The following FAM234B variants were observed in gnomAD, a reference collection of about 807,000 sequenced individuals.
FAM234B encodes family with sequence similarity 234 member B, also known as protein FAM234B.
A neutral mutation model predicts 69.3 loss-of-function variants in FAM234B; 33 were observed. That is an observed-to-expected ratio of 0.48 (90% CI 0.36 to 0.64). FAM234B has a LOEUF of 0.64. Among genes scored for constraint, FAM234B ranks in the 30% least tolerant of loss-of-function variants. FAM234B has a pLI of 0.00. For synonymous variants in FAM234B, 306 were observed against 306.9 expected (o/e 1.00, Z 0.03); for missense variants, 697 against 769.7 (o/e 0.91, Z 1.12).
intron 5 of FAM234B, among the ~76,000 whole-genome samples, chr12:13,065,054 A>C (rs1304266138): frequency 6.6e-6 from 1 of 152,188 alleles, no homozygotes; most frequent in Non-Finnish European, 1.5e-5. Flanking sequence ...CTCTTGGTGC[A>C]CTCAGGCTGA....
chr12:13,077,279 T>C (rs1334163414), intron 11 of FAM234B, among the ~76,000 whole-genome samples: 1 of 152,074 alleles, frequency 6.6e-6, no homozygotes, highest in Non-Finnish European at 1.5e-5. Context: ...TAAATTTTAT[T>C]ATTATTATAC....
intron 10 of FAM234B, among the ~76,000 whole-genome samples, chr12:13,071,817 A>G (rs775674586): frequency 6.6e-6 from 1 of 152,006 alleles, no homozygotes; most frequent in Non-Finnish European, 1.5e-5. Context: ...AGGAACGGGG[A>G]TGGGGGAGGG....
At position 13,072,450 on chromosome 12, in the gene FAM234B, G is replaced by A. The variant is rs572298710; in HGVS notation, c.1524+1054G>A. The stretch of plus-strand genomic sequence containing the variant: ...TTAAAATATAAAAATAAAAAATATC[G>A]GCTGGGCGCAGTGGCTCATGCCTGT... On this transcript the variant is annotated intron_variant, in intron 10 of 12. Coordinates refer to ENST00000197268, the MANE Select transcript of FAM234B (RefSeq NM_020853.2). Among the ~76,000 whole-genome samples, 32 of 152,088 alleles carry A rather than the reference G, an allele frequency of 2.1e-4. No individual in the cohort carries two copies. The South Asian group carries it at 6.4e-3, about 31-fold the overall frequency.
chr12:13,067,383 A>G lies in FAM234B; in HGVS notation c.1142+87A>G. 7.1e-7 allele frequency: 1 copy of G among 1,406,764 alleles called. No individual in the cohort carries two copies. The highest frequency in any genetic ancestry group is 1.2e-5 in the South Asian group (1 of 83,724). 87.1% of individuals were successfully genotyped at this position (1,406,764 alleles called of 1,614,324 possible). On this transcript the variant is annotated intron_variant, in intron 7 of 12. Transcript: ENST00000197268. This position sits in a 1 kb window ranked among gnomAD's most constrained non-coding sequence, Gnocchi z 4.7. ...TCTCTAAGTTTGGTTGGGCTGGTGA[A>G]TATGTGGGTAGAGGTTTAGGGGAAA...
chr12:13,045,361 A>G (rs1864796279), intron 1 of FAM234B, among the ~76,000 whole-genome samples: 1 of 152,210 alleles, frequency 6.6e-6, no homozygotes, highest in African/African-American at 2.4e-5. Context: ...TACCTAGGTA[A>G]GTTTTAAGCA....
Position 13,082,964 on chromosome 12 carries a change from A to G in FAM234B, c.*2334A>G, listed in dbSNP as rs1865255614. 1 of 152,228 alleles carries G rather than the reference A, an allele frequency of 6.6e-6. No homozygotes were observed. Among genetic ancestry groups the G allele is most frequent in the Non-Finnish European group, 1.5e-5 (1 of 68,034 alleles). The allele number at this position is 152,228 out of a possible 1,614,324, so 9.4% of individuals were successfully genotyped here. On this transcript the variant is annotated 3_prime_UTR_variant, in exon 13 of 13. Coordinates refer to ENST00000197268, the MANE Select transcript of FAM234B (RefSeq NM_020853.2). ...GGTAAGTTTGAATCTCTCCTTGCCA[A>G]ACAACATTATAAGTTTAGTTTTCTT...
At chr12:13,080,448 T>C (rs1865212275) in intron 12 of FAM234B, among the ~76,000 whole-genome samples, 177 bp from the exon 13 acceptor site, 1 of 152,186 alleles carries the variant, frequency 6.6e-6, no homozygotes, top group African/African-American at 2.4e-5. Context: ...CAAAAGCTTA[T>C]CATGGAAAAT....
Position 13,075,912 on chromosome 12 carries a change from G to A in FAM234B, c.1525-114G>A, listed in dbSNP as rs1865153933. ...TTCTTGTAGTTAGGATCAGGCATTA[G>A]CATCTGAGAGGAATGAGTAATCACC... On this transcript the variant is annotated intron_variant, in intron 10 of 12. Coordinates refer to ENST00000197268, the MANE Select transcript of FAM234B (RefSeq NM_020853.2). 7.6e-6 allele frequency: 6 copies of A among 787,904 alleles called. No individual in the cohort carries two copies. In the South Asian group the frequency reaches 8.4e-5, roughly 11 times the overall value. 48.8% of individuals were successfully genotyped at this position (787,904 alleles called of 1,614,324 possible).
intron 10 of FAM234B, among the ~76,000 whole-genome samples, chr12:13,075,511 C>T (rs1017486510): frequency 6.6e-6 from 1 of 150,596 alleles, no homozygotes; most frequent in Non-Finnish European, 1.5e-5. Flanking sequence ...GATCTTGGCT[C>T]ACTGCAACCT....
intron 1 of FAM234B, among the ~76,000 whole-genome samples, chr12:13,049,620 G>A (rs1030685536): frequency 2.0e-5 from 3 of 152,186 alleles, no homozygotes; most frequent in Non-Finnish European, 4.4e-5. Flanking sequence ...AGCAATATCT[G>A]TTCCTTTAGC....
chr12:13,048,769 C>T (rs1026772543), intron 1 of FAM234B, among the ~76,000 whole-genome samples: 10 of 152,124 alleles, frequency 6.6e-5, no homozygotes, highest in African/African-American at 9.7e-5. Flanking sequence ...ATACTTGAGA[C>T]GAGGCAATTT....
chr12:13,045,026 G>A (rs55814696), intron 1 of FAM234B, among the ~76,000 whole-genome samples: 1 of 151,978 alleles, frequency 6.6e-6, no homozygotes, highest in African/African-American at 2.4e-5. Context: ...GAACGTCAGG[G>A]GTCTTTTCAC....
intron 10 of FAM234B, 47 bp downstream of exon 10, chr12:13,071,443 C>G: frequency 6.4e-7 from 1 of 1,557,318 alleles, no homozygotes; most frequent in South Asian, 1.1e-5. Context: ...CAGATGGCAG[C>G]TGCTGTGCAG....
rs1023893235 is a variant in FAM234B, at chr12:13,082,452, G to A, written c.*1822G>A. 6 of 152,310 alleles carry A rather than the reference G, an allele frequency of 3.9e-5. No homozygotes were observed. Among genetic ancestry groups the A allele is most frequent in the Admixed American group, 3.9e-4 (6 of 15,306 alleles). 9.4% of individuals were successfully genotyped at this position (152,310 alleles called of 1,614,324 possible). Reference sequence around the variant, plus strand: ...CCTTATCAGGTTTCTGGGTGCCTCTGCCTTAAGATCCTGAAGGCAAATTTT... The same window carrying A: ...CCTTATCAGGTTTCTGGGTGCCTCTACCTTAAGATCCTGAAGGCAAATTTT... On this transcript the variant is annotated 3_prime_UTR_variant, in exon 13 of 13. Transcript: ENST00000197268.
chr12:13,066,667 G>A lies in FAM234B; in HGVS notation c.880G>A (p.Gly294Ser), dbSNP rs1290448602. ...QPDLCFLLVS[G>S]RTGNPVGRPV... ...AGATCTGTGCTTTCTGCTGGTGTCT[G>A]GCCGGACCGGAAATCCAGTGGGTCG... Residue 294 changes from glycine (G) to serine (S), a missense_variant, in exon 6 of 13, where the codon GGC becomes AGC. Physicochemically the swap from Gly to Ser is moderately conservative, Grantham distance 56. Transcript: ENST00000197268. 1.2e-6 allele frequency: 2 copies of A among 1,613,744 alleles called. No homozygotes were observed. Among genetic ancestry groups the A allele is most frequent in the South Asian group, 2.2e-5 (2 of 91,026 alleles).
Position 13,062,980 on chromosome 12 carries a change from G to A in FAM234B, c.852+5G>A. ...CTGGCCATTGGGGAATTGCAGGTAT[G>A]ATCTCTATTAAATGTTTTTTGTTTC... On this transcript the variant is annotated splice_donor_5th_base_variant and intron_variant, in intron 5 of 12. Transcript: ENST00000197268. 1 of 1,613,690 alleles carries A rather than the reference G, an allele frequency of 6.2e-7. No individual in the cohort carries two copies. The highest frequency in any genetic ancestry group is 8.5e-7 in the Non-Finnish European group (1 of 1,179,742).
At chr12:13,048,506 CTG>C (rs1440965152) in intron 1 of FAM234B, among the ~76,000 whole-genome samples, 1 of 90,030 alleles carries the variant, frequency 1.1e-5, no homozygotes, top group Non-Finnish European at 2.0e-5. Context: ...TGGTTCTTTT[CTG>C]TTTTCTGTTA....
rs890909420 is a variant in FAM234B at position 13,080,608 on chromosome 12, T to C, written c.1864-17T>C. On this transcript the variant is annotated splice_polypyrimidine_tract_variant and intron_variant, in intron 12 of 12. Transcript: ENST00000197268. ...ACCATGAAAAACAATAAAGTCACGA[T>C]AACTCTTTTTCCATAGATCTAATCT... is the stretch of plus-strand genomic sequence containing the variant. The C allele has an allele frequency of 2.5e-6, 4 of 1,601,122 alleles. No homozygotes were observed. The African/African-American group carries it at 4.0e-5, about 16-fold the overall frequency.
At chr12:13,065,173 T>C (rs1281745943) in intron 5 of FAM234B, among the ~76,000 whole-genome samples, 1 of 152,228 alleles carries the variant, frequency 6.6e-6, no homozygotes, top group African/African-American at 2.4e-5. Flanking sequence ...CCACTCATTG[T>C]TCCAGCTTCA....
Sources: gnomAD v4.1 joint callset for allele counts (sites outside exome capture counted in the v4.1 genomes callset) on GRCh38, gnomAD v4.1.1 for gene constraint, Gnocchi (gnomAD v3.1) non-coding constraint, MANE v1.5 for transcripts, NCBI Gene and HGNC (gene_info 2026-07-23, HGNC 2026-07-21) for gene names.